The following F5 variants were observed in gnomAD, a reference collection of about 807,000 sequenced individuals.
The protein encoded by F5 is activated protein c cofactor.
F5 carries 138 observed loss-of-function variants against 216.4 expected under a neutral mutation model. That is an observed-to-expected ratio of 0.64 (90% CI 0.56 to 0.73). The LOEUF (loss-of-function observed/expected upper bound fraction) is 0.73. Among genes scored for constraint, F5 ranks in the 30% least tolerant of loss-of-function variants. The pLI, the probability that F5 is intolerant of heterozygous loss-of-function variation, is 0.00. For synonymous variants in F5, 916 were observed against 930.7 expected (o/e 0.98, Z 0.29); for missense variants, 2,403 against 2,674.0 (o/e 0.90, Z 2.24).
intron 3 of F5, among the ~76,000 whole-genome samples, chr1:169,567,980 T>C (rs1194548810): frequency 6.6e-6 from 1 of 152,180 alleles, no homozygotes; most frequent in African/African-American, 2.4e-5. Context: ...TGACTGATTT[T>C]CTAACAATAT....
At chr1:169,584,328 C>T (rs9332489) in intron 1 of F5, among the ~76,000 whole-genome samples, 6,992 of 152,144 alleles carry the variant, frequency 0.046, 543 homozygotes, top group African/African-American at 0.16. Flanking sequence ...ATGTGTACGA[C>T]GAGTTTTTCA....
At position 169,550,692 on chromosome 1, in the gene F5, A is replaced by G. The variant is rs1485520758; in HGVS notation, c.1344T>C (p.His448=). The change falls in exon 9 of 25, where the codon CAT becomes CAC. Residue 448 remains histidine (H), a synonymous_variant. Coordinates refer to ENST00000367797, the MANE Select transcript of F5 (RefSeq NM_000130.5). Reference sequence around the variant, plus strand: ...CTTCATAAGGCGAGAAGGTCACTCCATGAGGGTAAATGCTATAGGGGCGGC... The same window carrying G: ...CTTCATAAGGCGAGAAGGTCACTCCGTGAGGGTAAATGCTATAGGGGCGGC... ...MASRPYSIYP[H]GVTFSPYEDE... The G allele has an allele frequency of 1.9e-6, 3 of 1,614,122 alleles. No homozygotes were observed. Among genetic ancestry groups the G allele is most frequent in the Non-Finnish European group, 2.5e-6 (3 of 1,179,970 alleles).
rs138086769 is a variant in F5, at chr1:169,542,284, G to C, written c.2806C>G (p.Gln936Glu). 80 of 1,613,942 alleles carry C rather than the reference G, an allele frequency of 5.0e-5. No individual in the cohort carries two copies. The African/African-American group carries it at 9.3e-4, about 19-fold the overall frequency. The change falls in exon 13 of 25, where the codon CAA becomes GAA. Residue 936 changes from glutamine (Q) to glutamate (E), a missense_variant. Physicochemically the swap from Gln to Glu is conservative, Grantham distance 29. This residue lies in a region of F5 where 1,425 missense variants were observed against 1,554.8 expected (regional missense o/e 0.92). Transcript: ENST00000367797. Reference protein sequence around the residue: ...DPPSDLLLLKQSNSSKILVGR... With the variant: ...DPPSDLLLLKESNSSKILVGR... Reference sequence around the variant, plus strand: ...ACCAAAATCTTAGATGAGTTACTTTGTTTTAAGAGTAACAGATCACTAGGA... The same window carrying C: ...ACCAAAATCTTAGATGAGTTACTTTCTTTTAAGAGTAACAGATCACTAGGA...
chr1:169,549,160 T>C (rs1465445839), intron 10 of F5, among the ~76,000 whole-genome samples: 18 of 152,204 alleles, frequency 1.2e-4, no homozygotes, highest in Admixed American at 4.6e-4. Flanking sequence ...AAGACCTCTT[T>C]GGTTACAGTT....
rs9332578 is a variant in F5 at position 169,556,782 on chromosome 1, G to A, written c.816C>T (p.Asn272=). 2.1e-3 allele frequency: 3,370 copies of A among 1,614,086 alleles called. 56 individuals carry two copies. In the African/African-American group the frequency reaches 0.039, roughly 19 times the overall value. The change falls in exon 6 of 25, where the codon AAC becomes AAT. Residue 272 remains asparagine (N), a synonymous_variant. Transcript: ENST00000367797. Reference sequence around the variant, plus strand: ...GATGGTTCTGCTCCAGGACCTGGCCGTTGAAATGAATGGAGAATAATTCTG... The same window carrying A: ...GATGGTTCTGCTCCAGGACCTGGCCATTGAAATGAATGGAGAATAATTCTG... ...SGPELFSIHF[N]GQVLEQNHHK...
chr1:169,536,857 A>G (rs760709357), intron 13 of F5, among the ~76,000 whole-genome samples, 177 bp from the exon 14 acceptor site: 2 of 152,104 alleles, frequency 1.3e-5, no homozygotes, highest in Middle Eastern at 3.2e-3. Context: ...ATATCTTTCA[A>G]TTCCTAACTC....
chr1:169,572,256 T>G lies in F5; in HGVS notation c.338A>C (p.His113Pro). The change falls in exon 3 of 25, where the codon CAT (histidine) becomes CCT (proline). Residue 113 changes from histidine to proline, a missense_variant. Around this residue, in one of 4 missense-constraint regions of F5, gnomAD observed 1,425 missense variants for 1,554.8 expected, o/e 0.92. Transcript: ENST00000367797. The part of the protein sequence containing the change: ...KNKADKPLSI[H>P]PQGIRYSKLS... ...TTTACTGTACCTAATTCCTTGAGGA[T>G]GGATGCTCAAGGGCTTATCTGCCTT... 6.2e-7 allele frequency: 1 copy of G among 1,613,208 alleles called. No individual in the cohort carries two copies. The highest frequency in any genetic ancestry group is 8.5e-7 in the Non-Finnish European group (1 of 1,179,612).
intron 23 of F5, among the ~76,000 whole-genome samples, chr1:169,516,566 A>G (rs1450844055): frequency 6.6e-6 from 1 of 152,260 alleles, no homozygotes; most frequent in African/African-American, 2.4e-5. Flanking sequence ...TGATTATATG[A>G]GAAAACTTTT....
At chr1:169,559,699 T>C (rs1038939548) in intron 4 of F5, among the ~76,000 whole-genome samples, 5 of 152,162 alleles carry the variant, frequency 3.3e-5, no homozygotes, top group African/African-American at 1.2e-4. Context: ...GGGCATTAGA[T>C]AATTGGGTGG....
At chr1:169,538,682 G>C (rs1225645823) in intron 13 of F5, among the ~76,000 whole-genome samples, 1 of 152,136 alleles carries the variant, frequency 6.6e-6, no homozygotes, top group Non-Finnish European at 1.5e-5. Context: ...AAAAATACCA[G>C]TCCCCAAAGG....
intron 7 of F5, among the ~76,000 whole-genome samples, chr1:169,553,682 A>G (rs763668720): frequency 2.6e-5 from 4 of 152,270 alleles, no homozygotes; most frequent in Admixed American, 6.5e-5. Flanking sequence ...AGATTGCGCC[A>G]CTGCACTCCA....
chr1:169,525,264 AG>A (rs1265459295), intron 18 of F5, among the ~76,000 whole-genome samples: 1 of 152,118 alleles, frequency 6.6e-6, no homozygotes, highest in Non-Finnish European at 1.5e-5. Flanking sequence ...TGGGAGGCCG[AG>A]GGGGGAGGAT....
At chr1:169,551,422 C>T (rs1660166318) in intron 8 of F5, among the ~76,000 whole-genome samples, 1 of 152,184 alleles carries the variant, frequency 6.6e-6, no homozygotes, top group Non-Finnish European at 1.5e-5. Context: ...TGCACTCCAG[C>T]CTGGGTGACA....
intron 13 of F5, 54 bp downstream of exon 13, chr1:169,540,240 T>G: frequency 3.8e-6 from 6 of 1,590,650 alleles, no homozygotes; most frequent in Non-Finnish European, 5.2e-6. Flanking sequence ...TAGTAGCTAC[T>G]TTTTTCAGCA....
chr1:169,541,546 A>T lies in F5; in HGVS notation c.3544T>A (p.Trp1182Arg), dbSNP rs192773163. ...QMSPSSEHEV[W>R]QTVISPDLSQ... is the part of the protein sequence containing the mutation. ...AGGTCTGGAGAGATGACTGTCTGCC[A>T]GACTTCATGTTCTGAGGAAGGGGAC... The change falls in exon 13 of 25, where the codon TGG becomes AGG. Residue 1182 changes from tryptophan to arginine, a missense_variant. This residue lies in a region of F5 where 1,425 missense variants were observed against 1,554.8 expected (regional missense o/e 0.92). Transcript: ENST00000367797. 18 of 1,614,058 alleles carry T rather than the reference A, an allele frequency of 1.1e-5. No individual in the cohort carries two copies. In the East Asian group the frequency reaches 4.0e-4, roughly 36 times the overall value.
At chr1:169,522,386 AC>A (rs1251080985) in intron 21 of F5, among the ~76,000 whole-genome samples, 3 of 152,184 alleles carry the variant, frequency 2.0e-5, no homozygotes, top group Non-Finnish European at 4.4e-5. Context: ...AAAACTATAT[AC>A]CAATATCCTC....
At position 169,540,341 on chromosome 1, in the gene F5, G is replaced by A. The variant is rs1433223528; in HGVS notation, c.4749C>T (p.Tyr1583=). The change falls in exon 13 of 25, where the codon TAC becomes TAT. Residue 1583 remains tyrosine, a synonymous_variant. Transcript: ENST00000367797. The part of the protein sequence containing the change: ...RSNNGNRRNY[Y]IAAEEISWDY... ...CCCAGGATATTTCTTCAGCAGCAAT[G>A]TAATAATTTCTTCTGTTTCCATTGT... The A allele has an allele frequency of 6.2e-7, 1 of 1,613,934 alleles. No individual in the cohort carries two copies. Among genetic ancestry groups the A allele is most frequent in the Non-Finnish European group, 8.5e-7 (1 of 1,179,884 alleles).
chr1:169,576,502 C>A (rs531804662), intron 2 of F5, among the ~76,000 whole-genome samples: 1 of 152,326 alleles, frequency 6.6e-6, no homozygotes, highest in South Asian at 2.1e-4. Context: ...TGCCCAAGGT[C>A]AGTCAGTGAT....
Position 169,541,582 on chromosome 1 carries a change from T to A in F5, c.3508A>T (p.Ile1170Leu). Residue 1170 changes from isoleucine to leucine, a missense_variant, in exon 13 of 25, where the codon ATA becomes TTA. Ile to Leu is a conservative substitution (Grantham distance 5). Transcript: ENST00000367797. ...TCTGAGGAAGGGGACATTTGACTTA[T>A]ATCTGTGGGGAAGGACTTGTGACTT... Reference protein sequence around the residue: ...DRSHKSFPTDISQMSPSSEHE... With the variant: ...DRSHKSFPTDLSQMSPSSEHE... 1 of 1,614,130 alleles carries A rather than the reference T, an allele frequency of 6.2e-7. No individual in the cohort carries two copies. Among genetic ancestry groups the A allele is most frequent in the South Asian group, 1.1e-5 (1 of 91,086 alleles).
Sources: allele counts gnomAD v4.1 joint callset (sites outside exome capture counted in the v4.1 genomes callset), GRCh38; gene constraint gnomAD v4.1.1; regional missense constraint gnomAD v4.1.1; transcripts MANE v1.5; gene names NCBI Gene and HGNC (gene_info 2026-07-23, HGNC 2026-07-21).